ATP8B3: variants seen among roughly 807,000 people sequenced by gnomAD.
The protein encoded by ATP8B3 is ATPase phospholipid transporting 8B3.
In ATP8B3, 141 loss-of-function variants were observed where a neutral mutation model predicts 140.9. The ratio of observed to expected loss-of-function variants is 1.00; its 90% CI spans 0.87 to 1.15. The LOEUF is 1.15. Among genes scored for constraint, ATP8B3 ranks in the 50% most tolerant of loss-of-function variants. The pLI, the probability that ATP8B3 is intolerant of heterozygous loss-of-function variation, is 0.00. For synonymous variants in ATP8B3, 765 were observed against 714.6 expected, an observed-to-expected ratio of 1.07 and a Z score of -1.13; for missense variants, 1,874 against 1,740.6, an observed-to-expected ratio of 1.08 and a Z score of -1.36.
In ATP8B3 at chr19:1,806,889, G is replaced by A. The variant is rs553438559; in HGVS notation, c.616-200C>T. Among the ~76,000 whole-genome samples, 5 of 152,212 alleles carry A rather than the reference G, an allele frequency of 3.3e-5. No homozygotes were observed. The highest frequency in any genetic ancestry group is 2.1e-4 in the South Asian group (1 of 4,824). ...TGCTATTGGCGGGGAGAAGACAGGCGTGCTGCCCACCACCTAGAGTGCCTG... is the reference window on the plus strand; with the variant it reads ...TGCTATTGGCGGGGAGAAGACAGGCATGCTGCCCACCACCTAGAGTGCCTG... On this transcript the variant is annotated intron_variant, in intron 6 of 28. Coordinates refer to ENST00000310127, the MANE Select transcript of ATP8B3 (RefSeq NM_138813.4). The surrounding 1 kb of genome is among the most constrained non-coding windows in gnomAD (Gnocchi z 5.6).
rs201027940 is a variant in ATP8B3, at chr19:1,789,444, A to T, written c.2762T>A (p.Leu921Gln). 1.3e-6 allele frequency: 2 copies of T among 1,597,838 alleles called. No individual in the cohort carries two copies. The highest frequency in any genetic ancestry group is 3.3e-5 in the Admixed American group (2 of 59,772). ...GTACTTCTTGACCAGGGCCACGATC[A>T]GGGCCTTCTGCTTGGGCGTCACGCG... ...CCRVTPKQKALIVALVKKYHQ... is the reference protein window; with the variant it reads ...CCRVTPKQKAQIVALVKKYHQ... Residue 921 changes from leucine to glutamine, a missense_variant, in exon 23 of 29, where the codon CTG becomes CAG. Around this residue, in one of 3 missense-constraint regions of ATP8B3, gnomAD observed 840 missense variants for 760.9 expected, o/e 1.10. Coordinates refer to ENST00000310127, the MANE Select transcript of ATP8B3 (RefSeq NM_138813.4).
intron 24 of ATP8B3, 37 bp from the exon 25 acceptor site, chr19:1,787,223 C>T (rs2068334391): frequency 6.5e-7 from 1 of 1,548,046 alleles, no homozygotes; most frequent in Non-Finnish European, 8.8e-7. Context: ...AACAAGTCAG[C>T]CTCCAGGCAC....
At position 1,796,890 on chromosome 19, in the gene ATP8B3, C is replaced by T. The variant is rs1486022441; in HGVS notation, c.1585-11G>A. ...GAGGTAGGGGTTCTCCTGGGGGTGG[C>T]GGGGGCACGGGCCGGCTGTGGGTGG... On this transcript the variant is annotated splice_polypyrimidine_tract_variant and intron_variant, in intron 15 of 28. Transcript: ENST00000310127. The T allele has an allele frequency of 1.3e-5, 21 of 1,579,298 alleles. No individual in the cohort carries two copies. Among genetic ancestry groups the T allele is most frequent in the African/African-American group, 2.7e-5 (2 of 74,238 alleles).
At chr19:1,795,256 A>G (rs2068630216) in intron 18 of ATP8B3, among the ~76,000 whole-genome samples, 1 of 151,522 alleles carries the variant, frequency 6.6e-6, no homozygotes, top group Admixed American at 6.6e-5. Flanking sequence ...CTCCCTCTCA[A>G]AAAAGAAAAG....
At chr19:1,789,837 C>T in intron 22 of ATP8B3, 53 bp downstream of exon 22, 1 of 1,601,970 alleles carries the variant, frequency 6.2e-7, no homozygotes, top group Admixed American at 1.7e-5. Context: ...CGCCGCCCCT[C>T]CAGGCCCCTC....
rs1005834676 is a variant in ATP8B3 at position 1,782,692 on chromosome 19, C to T, written c.*336G>A. 3.3e-5 allele frequency: 10 copies of T among 305,650 alleles called. No homozygotes were observed. The highest frequency in any genetic ancestry group is 9.4e-5 in the Admixed American group (2 of 21,276). 18.9% of individuals were successfully genotyped at this position (305,650 alleles called of 1,614,324 possible). ...GAGGCTGTGGCTGGCTCTCAAATGA[C>T]GACAGCTGGCTTTCTCTGTGCAACA... On this transcript the variant is annotated 3_prime_UTR_variant, in exon 29 of 29. Transcript: ENST00000310127.
intron 1 of ATP8B3, 105 bp downstream of exon 1, chr19:1,812,081 C>A: frequency 4.2e-6 from 1 of 239,526 alleles, no homozygotes; most frequent in Non-Finnish European, 8.0e-6. Context: ...TAGGGGCGCG[C>A]TCTCCACCCC....
chr19:1,802,153 C>T (rs1305973914), intron 11 of ATP8B3, 109 bp from the exon 12 acceptor site: 1 of 649,450 alleles, frequency 1.5e-6, no homozygotes, highest in South Asian at 1.9e-5. Context: ...ACCTACCCAT[C>T]CACCCCTCAC....
chr19:1,797,714 G>C (rs1301390098), intron 14 of ATP8B3, among the ~76,000 whole-genome samples: 1 of 151,722 alleles, frequency 6.6e-6, no homozygotes, highest in Non-Finnish European at 1.5e-5. Context: ...TGGCCAGGCT[G>C]GTCTCAAACT....
chr19:1,796,574 T>C (rs1600435709), intron 16 of ATP8B3, 137 bp downstream of exon 16: 2 of 1,153,822 alleles, frequency 1.7e-6, no homozygotes, highest in Admixed American at 5.6e-5. Flanking sequence ...GAGGTGCGGC[T>C]GGTGTCACAC....
In ATP8B3 at chr19:1,799,937, G is replaced by A. The variant is rs371568730; in HGVS notation, c.1552+10C>T. ...GGACCCAGCTGGGAGCTCAGGTGTC[G>A]GGGCCGCACCATAGACGCGGCCGCT... On this transcript the variant is annotated intron_variant, in intron 14 of 28. Transcript: ENST00000310127. 1.3e-5 allele frequency: 20 copies of A among 1,585,324 alleles called. No homozygotes were observed. Among genetic ancestry groups the A allele is most frequent in the Middle Eastern group, 1.7e-4 (1 of 6,024 alleles).
rs549495227 is a variant in ATP8B3 at position 1,783,505 on chromosome 19, C to A, written c.3661-235G>T. 2.0e-3 allele frequency among the ~76,000 whole-genome samples: 312 copies of A among 152,350 alleles called. 1 individual carries two copies. The highest frequency in any genetic ancestry group is 7.1e-3 in the African/African-American group (296 of 41,592). On this transcript the variant is annotated intron_variant, in intron 28 of 28. Coordinates refer to ENST00000310127, the MANE Select transcript of ATP8B3 (RefSeq NM_138813.4). Reference sequence around the variant, plus strand: ...TAATTGGCCTTGCCCTGGAAACTAACCCTGGATCAGCCAATCAGAGTTATT... The same window carrying A: ...TAATTGGCCTTGCCCTGGAAACTAAACCTGGATCAGCCAATCAGAGTTATT...
chr19:1,802,464 C>A, intron 11 of ATP8B3, 23 bp downstream of exon 11: 1 of 1,454,718 alleles, frequency 6.9e-7, no homozygotes, highest in Non-Finnish European at 9.2e-7. Context: ...AGCTCCCACT[C>A]CAGGACCCTG....
chr19:1,795,844 C>G, intron 18 of ATP8B3, 31 bp downstream of exon 18: 1 of 1,184,274 alleles, frequency 8.4e-7, no homozygotes, highest in South Asian at 1.2e-5. Flanking sequence ...CACACACACA[C>G]ACATAAGCCA....
intron 10 of ATP8B3, among the ~76,000 whole-genome samples, chr19:1,804,851 A>T (rs1213887183): frequency 1.3e-5 from 2 of 152,262 alleles, no homozygotes; most frequent in African/African-American, 4.8e-5. Context: ...TGGAGGTGTC[A>T]GCACTCTGTT....
rs1364103692 is a variant in ATP8B3, at chr19:1,809,661, C to G, written c.384G>C (p.Trp128Cys). The G allele has an allele frequency of 1.2e-6, 2 of 1,609,740 alleles. No individual in the cohort carries two copies. Among genetic ancestry groups the G allele is most frequent in the Admixed American group, 1.7e-5 (1 of 59,542 alleles). The change falls in exon 4 of 29, where the codon TGG becomes TGC. Residue 128 changes from tryptophan to cysteine, a missense_variant. Trp to Cys is a radical substitution (Grantham distance 215). Around this residue, in one of 3 missense-constraint regions of ATP8B3, gnomAD observed 1,032 missense variants for 963.6 expected, o/e 1.07. Coordinates refer to ENST00000310127, the MANE Select transcript of ATP8B3 (RefSeq NM_138813.4). ...CGCCCACCTTGTATTTCTTCCTTTGCCAGCACAGGATCACCTTCTCCTTGA... is the reference window on the plus strand; with the variant it reads ...CGCCCACCTTGTATTTCTTCCTTTGGCAGCACAGGATCACCTTCTCCTTGA... The part of the protein sequence containing the change: ...GQFKEKVILC[W>C]QRKKYKTNVI...
intron 10 of ATP8B3, among the ~76,000 whole-genome samples, chr19:1,804,030 C>T (rs560412204): frequency 6.6e-6 from 1 of 152,200 alleles, no homozygotes; most frequent in East Asian, 1.9e-4. Context: ...TGGGGAAAAC[C>T]TCTTTGGGTG....
intron 25 of ATP8B3, among the ~76,000 whole-genome samples, chr19:1,786,773 C>G (rs935530697): frequency 6.6e-6 from 1 of 151,686 alleles, no homozygotes; most frequent in African/African-American, 2.4e-5. Context: ...GCCAGGGCCT[C>G]TTGGAGCTGG....
At chr19:1,796,290 G>A (rs200262044) in intron 16 of ATP8B3, 25 bp from the exon 17 acceptor site, 1 of 1,579,642 alleles carries the variant, frequency 6.3e-7, no homozygotes, top group Non-Finnish European at 8.6e-7. Flanking sequence ...GGCCATTTTG[G>A]GGTCACGTGG....
Sources: allele counts gnomAD v4.1 joint callset (sites outside exome capture counted in the v4.1 genomes callset), GRCh38; gene constraint gnomAD v4.1.1; regional missense constraint gnomAD v4.1.1; non-coding constraint Gnocchi (gnomAD v3.1); transcripts MANE v1.5; gene names NCBI Gene and HGNC (gene_info 2026-07-23, HGNC 2026-07-21).